Variants in MGST2 observed in about 807,000 individuals in gnomAD.
MGST2 encodes glutathione peroxidase MGST2.
In MGST2, 9 loss-of-function variants were observed where a neutral mutation model predicts 16.6. That is an observed-to-expected ratio of 0.54 (90% CI 0.33 to 0.95). The LOEUF (loss-of-function observed/expected upper bound fraction) is 0.95, where lower values mean the gene tolerates loss of function less well. Ranked by LOEUF, MGST2 falls within the 40% of genes least tolerant of loss-of-function variation. The pLI is 0.03. For synonymous variants in MGST2, 79 were observed against 68.0 expected (o/e 1.16, Z -0.79); for missense variants, 159 against 175.1 (o/e 0.91, Z 0.52).
At chr4:139,671,742 A>C (rs1210086861) in intron 1 of MGST2, among the ~76,000 whole-genome samples, 1 of 152,054 alleles carries the variant, frequency 6.6e-6, no homozygotes, top group Non-Finnish European at 1.5e-5. Flanking sequence ...CCCAGGTTCA[A>C]GTGATTCTCC....
intron 5 of MGST2, among the ~76,000 whole-genome samples, chr4:139,711,728 T>C (rs1044974136): frequency 7.2e-5 from 11 of 152,336 alleles, no homozygotes; most frequent in African/African-American, 2.6e-4. Context: ...TGTCTGGGAA[T>C]GTAGCCCAGT....
intron 2 of MGST2, among the ~76,000 whole-genome samples, chr4:139,689,507 C>T (rs1579311811): frequency 6.6e-6 from 1 of 152,154 alleles, no homozygotes; most frequent in African/African-American, 2.4e-5. Flanking sequence ...TGCTCTGATC[C>T]CAGTCAGTGT....
chr4:139,710,012 A>G (rs1057247173), intron 5 of MGST2, among the ~76,000 whole-genome samples: 1 of 152,274 alleles, frequency 6.6e-6, no homozygotes, highest in Non-Finnish European at 1.5e-5. Flanking sequence ...AACAAATCAA[A>G]AAGAAAATTA....
rs1234433930 is a variant in MGST2, at chr4:139,735,613, T to C, written c.*49-4599T>C. On this transcript the variant is annotated intron_variant, in intron 5 of 5. Coordinates refer to the MGST2 transcript ENST00000616265. This position sits in a 1 kb window ranked among gnomAD's most constrained non-coding sequence, Gnocchi z 5.8. ...GTCGGCCCGGCACCGCTGCTTCGGC[T>C]CAGAGTCCTTGCAATCGCTTGGCCT... Among the ~76,000 whole-genome samples, 1 of 152,178 alleles carries C rather than the reference T, an allele frequency of 6.6e-6. No homozygotes were observed.
chr4:139,749,660 C>T, the MGST2 span, among the ~76,000 whole-genome samples: 1 of 152,214 alleles, frequency 6.6e-6, no homozygotes, highest in African/African-American at 2.4e-5. Flanking sequence ...TGCATGAGCA[C>T]TTCTGGACAA....
At position 139,665,910 on chromosome 4, in the gene MGST2, TC is replaced by T; in HGVS notation, c.-104del. 3 of 1,091,008 alleles carry T rather than the reference TC, an allele frequency of 2.7e-6. No homozygotes were observed. The highest frequency in any genetic ancestry group is 1.3e-5 in the South Asian group (1 of 76,370). The allele number at this position is 1,091,008 out of a possible 1,614,324, so 67.6% of individuals were successfully genotyped here. On this transcript the variant is annotated 5_prime_UTR_variant, in exon 1 of 5. Coordinates refer to ENST00000265498, the MANE Select transcript of MGST2 (RefSeq NM_002413.5). ...CATTCAGCCGCTTGAATCAGCCTTT[TC>T]CCCCCACCCGGTCCCCAACTTTGTT...
chr4:139,687,455 AGCCT>A (rs1178537939), intron 2 of MGST2, among the ~76,000 whole-genome samples: 66 of 152,338 alleles, frequency 4.3e-4, no homozygotes, highest in African/African-American at 1.6e-3. Flanking sequence ...TTCAGTCCAA[AGCCT>A]ACTTGGTTAT....
intron 2 of MGST2, among the ~76,000 whole-genome samples, chr4:139,691,658 T>C (rs1164871854): frequency 1.3e-5 from 2 of 149,436 alleles, no homozygotes; most frequent in Non-Finnish European, 2.9e-5. Flanking sequence ...GGCACCCCAC[T>C]GGCAGTCAGA....
intron 5 of MGST2, among the ~76,000 whole-genome samples, chr4:139,737,981 A>C (rs6536411): frequency 0.4 from 60,881 of 152,148 alleles, 13,318 homozygotes; most frequent in South Asian, 0.54. Context: ...AGCAGCAATA[A>C]CTTGGGGCCC....
chr4:139,745,528 A>G (rs1188110620), downstream of MGST2, among the ~76,000 whole-genome samples: 2 of 152,138 alleles, frequency 1.3e-5, no homozygotes, highest in Non-Finnish European at 2.9e-5. Context: ...CCTGCCAGGC[A>G]TATTCCTGCA....
chr4:139,722,106 A>T (rs1728260218), intron 5 of MGST2, among the ~76,000 whole-genome samples: 1 of 152,234 alleles, frequency 6.6e-6, no homozygotes, highest in Non-Finnish European at 1.5e-5. Context: ...GATATGGTAA[A>T]GGACTAGATA....
chr4:139,681,413 C>A (rs1194407617), intron 2 of MGST2, among the ~76,000 whole-genome samples: 1 of 152,110 alleles, frequency 6.6e-6, no homozygotes, highest in Non-Finnish European at 1.5e-5. Context: ...TGTGTGTTAA[C>A]CTCCAGGACT....
chr4:139,719,157 G>C (rs1299657713), intron 5 of MGST2: 1 of 710,656 alleles, frequency 1.4e-6, no homozygotes, highest in Non-Finnish European at 2.2e-6. Flanking sequence ...ATGAGGCCTG[G>C]TGGGGCTGTG....
At chr4:139,740,341 C>G (rs907358369) in exon 6 of MGST2, 9 of 152,238 alleles carry the variant, frequency 5.9e-5, no homozygotes, top group African/African-American at 1.9e-4. Context: ...GTCACCAGGG[C>G]TGGGAAACCT....
downstream of MGST2, among the ~76,000 whole-genome samples, chr4:139,707,826 A>C (rs1264403939): frequency 1.3e-5 from 2 of 151,956 alleles, no homozygotes; most frequent in Admixed American, 1.3e-4. Flanking sequence ...GCATTTTTTC[A>C]TGTATTTTTT....
chr4:139,710,046 A>G (rs1727679134), intron 5 of MGST2, among the ~76,000 whole-genome samples: 1 of 152,242 alleles, frequency 6.6e-6, no homozygotes, highest in South Asian at 2.1e-4. Flanking sequence ...GGTTACCCAA[A>G]GAGGTAGCTC....
At chr4:139,737,219 C>G (rs1271978138) in intron 5 of MGST2, among the ~76,000 whole-genome samples, 1 of 152,154 alleles carries the variant, frequency 6.6e-6, no homozygotes, top group East Asian at 1.9e-4. Context: ...TGAAAGAGTT[C>G]TTCAAATATG....
chr4:139,748,143 C>T, the MGST2 span, among the ~76,000 whole-genome samples: 1 of 151,964 alleles, frequency 6.6e-6, no homozygotes, highest in African/African-American at 2.4e-5. Flanking sequence ...AGGAACACTG[C>T]CCATGGTATA....
chr4:139,673,683 G>C (rs1319608716), intron 1 of MGST2, among the ~76,000 whole-genome samples: 1 of 152,154 alleles, frequency 6.6e-6, no homozygotes, highest in African/African-American at 2.4e-5. Context: ...CAGAATGCTG[G>C]AATTACAGGT....
Sources: gnomAD v4.1 joint callset for allele counts (sites outside exome capture counted in the v4.1 genomes callset) on GRCh38, gnomAD v4.1.1 for gene constraint, Gnocchi (gnomAD v3.1) non-coding constraint, MANE v1.5 for transcripts, NCBI Gene and HGNC (gene_info 2026-07-23, HGNC 2026-07-21) for gene names.